Variants in SPRR2F observed in about 807,000 individuals in gnomAD.
SPRR2F encodes the protein small proline-rich protein 2F.
Under a neutral mutation model 0.8 loss-of-function variants are expected in SPRR2F, and 2 were observed. The ratio of observed to expected loss-of-function variants is 2.52; its 90% confidence interval spans 1.03 to 7.95. The LOEUF (loss-of-function observed/expected upper bound fraction) is 7.95. SPRR2F is among the 30% of genes most tolerant of loss of function. The pLI is 0.04. For synonymous variants in SPRR2F, 39 were observed against 33.4 expected (o/e 1.17, Z -0.58); for missense variants, 80 against 85.8 (o/e 0.93, Z 0.27).
At chr1:153,114,821 T>C (rs1187862383), upstream of SPRR2F, among the ~76,000 whole-genome samples, 1 of 152,212 alleles carries the variant, frequency 6.6e-6, no homozygotes, top group African/African-American at 2.4e-5. Flanking sequence ...CTCTTTCATA[T>C]CTTTTGTAAA....
upstream of SPRR2F, among the ~76,000 whole-genome samples, chr1:153,115,736 T>C (rs1248181941): frequency 6.6e-6 from 1 of 151,860 alleles, no homozygotes; most frequent in Non-Finnish European, 1.5e-5. Context: ...CTATCTATCT[T>C]CTATCTATCT....
chr1:153,114,329 G>A (rs1655675515), upstream of SPRR2F, among the ~76,000 whole-genome samples: 1 of 152,090 alleles, frequency 6.6e-6, no homozygotes, highest in African/African-American at 2.4e-5. Context: ...CATTAAGGAT[G>A]TATACTAGCG....
upstream of SPRR2F, among the ~76,000 whole-genome samples, chr1:153,115,109 C>T (rs565885840): frequency 6.6e-6 from 1 of 152,208 alleles, no homozygotes; most frequent in East Asian, 1.9e-4. Context: ...TTGCTCCCGT[C>T]AATAAGGAAG....
rs1235495463 is a variant in SPRR2F, at chr1:153,112,406, C to T, written c.*109G>A. ...CGATCACAGGCTAAGAGGAAAGAAG[C>T]TCCCTGTGTATCCCTGGATGGCTTT... On this transcript the variant is annotated 3_prime_UTR_variant, in exon 2 of 2. Transcript: ENST00000468739. 5 of 1,508,786 alleles carry T rather than the reference C, an allele frequency of 3.3e-6. No individual in the cohort carries two copies. The Middle Eastern group carries it at 7.5e-4, about 228-fold the overall frequency. 93.5% of individuals were successfully genotyped at this position (1,508,786 alleles called of 1,614,324 possible).
At chr1:153,118,408 G>A (rs560149865), upstream of SPRR2F, among the ~76,000 whole-genome samples, 10 of 152,168 alleles carry the variant, frequency 6.6e-5, no homozygotes, top group African/African-American at 2.2e-4. Flanking sequence ...AATTCAAAGA[G>A]AGCCACACGG....
upstream of SPRR2F, among the ~76,000 whole-genome samples, chr1:153,117,632 T>C (rs373576788): frequency 9.2e-5 from 14 of 152,208 alleles, no homozygotes; most frequent in East Asian, 2.7e-3. Context: ...ATTCTAGTTC[T>C]ATTTTCTCTA....
chr1:153,117,144 G>A (rs1241123540), upstream of SPRR2F, among the ~76,000 whole-genome samples: 3 of 151,986 alleles, frequency 2.0e-5, no homozygotes, highest in African/African-American at 7.2e-5. Context: ...AGAGCCAGAA[G>A]ATTTTAGGGG....
At chr1:153,113,929 T>C (rs1394004080), upstream of SPRR2F, among the ~76,000 whole-genome samples, 1 of 151,402 alleles carries the variant, frequency 6.6e-6, no homozygotes, top group Non-Finnish European at 1.5e-5. Context: ...ACTTTCCTTG[T>C]ACAATTTGCC....
intron 1 of SPRR2F, 22 bp from the exon 2 acceptor site, chr1:153,112,774 T>C (rs771313392): frequency 1.2e-5 from 20 of 1,609,466 alleles, no homozygotes; most frequent in Admixed American, 1.7e-5. Context: ...TATATGACAG[T>C]GTTCACGGGA....
upstream of SPRR2F, among the ~76,000 whole-genome samples, chr1:153,113,980 T>A (rs1655662734): frequency 6.7e-6 from 1 of 148,552 alleles, no homozygotes; most frequent in Admixed American, 6.7e-5. Flanking sequence ...AAGGCCTGGG[T>A]TCTGGTCCCA....
chr1:153,116,388 G>A (rs747633792), upstream of SPRR2F, among the ~76,000 whole-genome samples: 9 of 152,124 alleles, frequency 5.9e-5, no homozygotes, highest in Non-Finnish European at 1.2e-4. Context: ...TGTAATTACA[G>A]ATGATTTTTA....
upstream of SPRR2F, among the ~76,000 whole-genome samples, chr1:153,114,705 T>C (rs1655685466): frequency 6.6e-6 from 1 of 152,204 alleles, no homozygotes; most frequent in Non-Finnish European, 1.5e-5. Flanking sequence ...CCTAGTCTCA[T>C]GACCTGCTAG....
chr1:153,114,510 A>G (rs1308502200), upstream of SPRR2F, among the ~76,000 whole-genome samples: 2 of 152,196 alleles, frequency 1.3e-5, no homozygotes, highest in Non-Finnish European at 2.9e-5. Context: ...TCATATGTGA[A>G]TAATTAGAAG....
chr1:153,119,199 C>T, the SPRR2F span, among the ~76,000 whole-genome samples: 8 of 152,242 alleles, frequency 5.3e-5, no homozygotes, highest in East Asian at 1.5e-3. Flanking sequence ...AAACAATATA[C>T]AGTAAATGCG....
Position 153,112,382 on chromosome 1 carries a change from G to T in SPRR2F, c.*133C>A, listed in dbSNP as rs527246625. ...TTGCTATCAGAGATCATCACAGGCC[G>T]ATCACAGGCTAAGAGGAAAGAAGCT... On this transcript the variant is annotated 3_prime_UTR_variant, in exon 2 of 2. Coordinates refer to ENST00000468739, the MANE Select transcript of SPRR2F (RefSeq NM_001014450.3). 594 of 1,459,776 alleles carry T rather than the reference G, an allele frequency of 4.1e-4. 4 individuals carry two copies. In the East Asian group the frequency reaches 0.013, roughly 32 times the overall value. The allele number at this position is 1,459,776 out of a possible 1,614,324, so 90.4% of individuals were successfully genotyped here.
upstream of SPRR2F, among the ~76,000 whole-genome samples, chr1:153,116,107 T>C (rs948681699): frequency 3.3e-5 from 5 of 152,348 alleles, no homozygotes; most frequent in Admixed American, 2.6e-4. Flanking sequence ...TCTAAGTCTC[T>C]GTGAATTTCT....
At chr1:153,118,147 A>T (rs1022114541), upstream of SPRR2F, among the ~76,000 whole-genome samples, 2 of 152,134 alleles carry the variant, frequency 1.3e-5, no homozygotes, top group Admixed American at 6.5e-5. Flanking sequence ...ATTATGATCC[A>T]CCAAGGTGTC....
upstream of SPRR2F, among the ~76,000 whole-genome samples, chr1:153,115,962 C>G (rs1042639486): frequency 5.6e-4 from 86 of 152,278 alleles, no homozygotes; most frequent in African/African-American, 2.0e-3. Context: ...CTTGATTCAA[C>G]TTCTATCTCA....
At position 153,112,159 on chromosome 1, in the gene SPRR2F, G is replaced by T; in HGVS notation, c.*356C>A. 1 of 358,510 alleles carries T rather than the reference G, an allele frequency of 2.8e-6. No individual in the cohort carries two copies. Among genetic ancestry groups the T allele is most frequent in the Non-Finnish European group, 5.0e-6 (1 of 199,164 alleles). 22.2% of individuals were successfully genotyped at this position (358,510 alleles called of 1,614,324 possible). A position where few individuals can be genotyped will look rare whatever the true frequency, so the allele number is the denominator to read the frequency against. Reference sequence around the variant, plus strand: ...TCTTTATTCAGGGAGTGAAAGGAAAGTGACAACTGCACAGGTGGTGGAAGC... The same window carrying T: ...TCTTTATTCAGGGAGTGAAAGGAAATTGACAACTGCACAGGTGGTGGAAGC... On this transcript the variant is annotated 3_prime_UTR_variant, in exon 2 of 2. Coordinates refer to ENST00000468739, the MANE Select transcript of SPRR2F (RefSeq NM_001014450.3).
Sources: gnomAD v4.1 joint callset for allele counts (sites outside exome capture counted in the v4.1 genomes callset) on GRCh38, gnomAD v4.1.1 for gene constraint, MANE v1.5 for transcripts, NCBI Gene and HGNC (gene_info 2026-07-23, HGNC 2026-07-21) for gene names.